Variants in VWA3B observed in about 807,000 individuals in gnomAD.
VWA3B encodes the protein von Willebrand factor A domain-containing protein 3B.
In VWA3B, 138 loss-of-function variants were observed where a neutral mutation model predicts 158.3. The ratio of observed to expected loss-of-function variants is 0.87; its 90% CI spans 0.76 to 1.00. VWA3B has a LOEUF of 1.00. Ranked by LOEUF, VWA3B falls within the 50% of genes least tolerant of loss-of-function variation. The pLI, the probability that VWA3B is intolerant of heterozygous loss-of-function variation, is 0.00. For missense variants in VWA3B, 1,555 were observed against 1,565.1 expected, an observed-to-expected ratio of 0.99 and a Z score of 0.11; for synonymous variants, 596 against 587.3, an observed-to-expected ratio of 1.01 and a Z score of -0.21.
At chr2:98,129,206 G>GAGGAGA (rs1553640725) in intron 6 of VWA3B, among the ~76,000 whole-genome samples, 1 of 128,344 alleles carries the variant, frequency 7.8e-6, no homozygotes, top group East Asian at 2.1e-4. Context: ...GAGAGAGAGA[G>GAGGAGA]GAGAGAGAGA....
intron 25 of VWA3B, 99 bp downstream of exon 25, chr2:98,300,315 A>C: frequency 1.3e-6 from 2 of 1,536,866 alleles, no homozygotes; most frequent in Non-Finnish European, 1.8e-6. Flanking sequence ...CCCTGGCTGC[A>C]TCTGCTGCCC....
At chr2:98,139,458 G>A (rs749530977) in intron 7 of VWA3B, among the ~76,000 whole-genome samples, 6 of 152,230 alleles carry the variant, frequency 3.9e-5, no homozygotes, top group South Asian at 2.1e-4. Context: ...TGAAGCCAGC[G>A]GGGCTCCTGA....
intron 7 of VWA3B, among the ~76,000 whole-genome samples, chr2:98,144,827 A>AG (rs1383717763): frequency 8.6e-5 from 2 of 23,226 alleles, no homozygotes; most frequent in Non-Finnish European, 1.7e-4. Flanking sequence ...TCGGCCTCCC[A>AG]AGTGCTGGGA....
chr2:98,215,604 ACCT>A (rs1231406556), intron 13 of VWA3B, among the ~76,000 whole-genome samples: 1 of 147,264 alleles, frequency 6.8e-6, no homozygotes, highest in Non-Finnish European at 1.5e-5. Flanking sequence ...TGCAAGCTCC[ACCT>A]CCCGGGTTCA....
intron 2 of VWA3B, among the ~76,000 whole-genome samples, chr2:98,096,607 T>G (rs1345371338): frequency 1.3e-5 from 2 of 152,176 alleles, no homozygotes; most frequent in Non-Finnish European, 2.9e-5. Flanking sequence ...CCTTACTCAT[T>G]GGTTTGTTCA....
chr2:98,148,684 G>A (rs1292413137), intron 7 of VWA3B, among the ~76,000 whole-genome samples: 1 of 152,114 alleles, frequency 6.6e-6, no homozygotes, highest in African/African-American at 2.4e-5. Flanking sequence ...AATATAAATG[G>A]ATTTTCCCTA....
chr2:98,198,235 T>A (rs1308743283), intron 12 of VWA3B, among the ~76,000 whole-genome samples: 1 of 152,176 alleles, frequency 6.6e-6, no homozygotes, highest in Non-Finnish European at 1.5e-5. Context: ...TGATTCTCAT[T>A]ACCTATAACA....
chr2:98,256,345 T>C (rs572280214), intron 21 of VWA3B, among the ~76,000 whole-genome samples, 171 bp downstream of exon 21: 64 of 152,276 alleles, frequency 4.2e-4, no homozygotes, highest in Admixed American at 1.8e-3. Context: ...AAAATCACTT[T>C]GTAACCATAA....
At chr2:98,158,321 A>G (rs1308365728) in intron 7 of VWA3B, among the ~76,000 whole-genome samples, 4 of 152,196 alleles carry the variant, frequency 2.6e-5, no homozygotes, top group African/African-American at 7.2e-5. Context: ...CGGTGCACAC[A>G]CACACAGCAA....
chr2:98,228,990 A>G lies in VWA3B; in HGVS notation c.2150+658A>G, dbSNP rs138957053. 2.6e-5 allele frequency: 4 copies of G among 152,336 alleles called. No individual in the cohort carries two copies. In the East Asian group the frequency reaches 7.7e-4, roughly 29 times the overall value. The allele number at this position is 152,336 out of a possible 1,614,324, so 9.4% of individuals were successfully genotyped here. A position where few individuals can be genotyped will look rare whatever the true frequency, so the allele number is the denominator to read the frequency against. On this transcript the variant is annotated intron_variant, in intron 15 of 27. Transcript: ENST00000477737. Reference sequence around the variant, plus strand: ...TGATAGAAAATTGGGGGAAAAAAAGAAAATACATTTATTAATGAGAATTTA... The same window carrying G: ...TGATAGAAAATTGGGGGAAAAAAAGGAAATACATTTATTAATGAGAATTTA...
intron 8 of VWA3B, 49 bp downstream of exon 8, chr2:98,163,025 A>G (rs757438189): frequency 3.1e-6 from 5 of 1,605,788 alleles, no homozygotes; most frequent in Non-Finnish European, 3.4e-6. Flanking sequence ...AAATGTTACT[A>G]GCTGGGGACC....
At chr2:98,219,115 C>T (rs62156671) in intron 14 of VWA3B, among the ~76,000 whole-genome samples, 7,199 of 152,198 alleles carry the variant, frequency 0.047, 255 homozygotes, top group Middle Eastern at 0.082. Flanking sequence ...CTCAGCAATG[C>T]CTAGCACACA....
At chr2:98,105,801 C>T (rs1673597166) in intron 2 of VWA3B, among the ~76,000 whole-genome samples, 1 of 152,018 alleles carries the variant, frequency 6.6e-6, no homozygotes, top group Non-Finnish European at 1.5e-5. Context: ...TGCTCCAGTG[C>T]ATTTTACTTA....
chr2:98,212,587 G>T (rs978869188), intron 13 of VWA3B, among the ~76,000 whole-genome samples: 1 of 152,200 alleles, frequency 6.6e-6, no homozygotes, highest in Admixed American at 6.5e-5. Context: ...TAAATAAATA[G>T]AAGGATTTTC....
chr2:98,300,295 T>C (rs1314907121), intron 25 of VWA3B, 79 bp downstream of exon 25: 1 of 1,585,568 alleles, frequency 6.3e-7, no homozygotes, highest in Non-Finnish European at 8.6e-7. Context: ...GGCTTCTTGA[T>C]GAATGGTTTC....
At chr2:98,252,077 G>A (rs1574201679) in intron 20 of VWA3B, among the ~76,000 whole-genome samples, 1 of 152,030 alleles carries the variant, frequency 6.6e-6, no homozygotes, top group African/African-American at 2.4e-5. Flanking sequence ...GTCTTTCATC[G>A]CTTCTCACCT....
intron 9 of VWA3B, among the ~76,000 whole-genome samples, chr2:98,184,939 C>T (rs1680889584): frequency 6.6e-6 from 1 of 152,218 alleles, no homozygotes; most frequent in South Asian, 2.1e-4. Flanking sequence ...TATGGGGCTT[C>T]TCTCTTGCTT....
chr2:98,262,214 C>CCAT (rs977512558), intron 21 of VWA3B, among the ~76,000 whole-genome samples: 34 of 151,792 alleles, frequency 2.2e-4, no homozygotes, highest in African/African-American at 7.0e-4. Flanking sequence ...ACACTTTCTC[C>CCAT]CATTTTTTAG....
At chr2:98,302,123 A>C (rs1488346925) in intron 25 of VWA3B, among the ~76,000 whole-genome samples, 2 of 152,098 alleles carry the variant, frequency 1.3e-5, no homozygotes, top group Admixed American at 1.3e-4. Context: ...ACCTCCAGCC[A>C]GGTGGAAGAC....
Sources: gnomAD v4.1 joint callset for allele counts (sites outside exome capture counted in the v4.1 genomes callset) on GRCh38, gnomAD v4.1.1 for gene constraint, MANE v1.5 for transcripts, NCBI Gene and HGNC (gene_info 2026-07-23, HGNC 2026-07-21) for gene names.